The following SHISA6 variants were observed in gnomAD, a reference collection of about 807,000 sequenced individuals.
SHISA6 encodes protein shisa-6.
A neutral mutation model predicts 47.9 loss-of-function variants in SHISA6; 22 were observed. That is an observed-to-expected ratio of 0.46 (90% CI 0.33 to 0.66). SHISA6 has a LOEUF of 0.66. Among genes scored for constraint, SHISA6 ranks in the 30% least tolerant of loss-of-function variants. The pLI is 0.02. For missense variants in SHISA6, 680 were observed against 764.6 expected, an observed-to-expected ratio of 0.89 and a Z score of 1.30; for synonymous variants, 388 against 337.8, an observed-to-expected ratio of 1.15 and a Z score of -1.63.
chr17:11,439,234 C>T (rs1915032709), intron 3 of SHISA6, among the ~76,000 whole-genome samples: 1 of 152,012 alleles, frequency 6.6e-6, no homozygotes, highest in Non-Finnish European at 1.5e-5. Flanking sequence ...CATGTAACCT[C>T]GAAGAGGAAT....
rs1261943199 is a variant in SHISA6 at position 11,559,232 on chromosome 17, C to T, written c.*928C>T. 1 of 152,620 alleles carries T rather than the reference C, an allele frequency of 6.6e-6. No homozygotes were observed. The highest frequency in any genetic ancestry group is 2.4e-5 in the African/African-American group (1 of 41,476). The allele number at this position is 152,620 out of a possible 1,614,324, so 9.5% of individuals were successfully genotyped here. A position where few individuals can be genotyped will look rare whatever the true frequency, so the allele number is the denominator to read the frequency against. ...CCTCTAGACCTGACCATGACTGCCA[C>T]TCAGGCTGCCTTCTCCACCCCTGCT... is the stretch of plus-strand genomic sequence containing the variant. On this transcript the variant is annotated 3_prime_UTR_variant, in exon 6 of 6. Transcript: ENST00000441885. The surrounding 1 kb of genome is among the most constrained non-coding windows in gnomAD (Gnocchi z 4.4).
At chr17:11,401,641 T>A (rs61064487) in intron 3 of SHISA6, among the ~76,000 whole-genome samples, 7,072 of 152,286 alleles carry the variant, frequency 0.046, 500 homozygotes, top group African/African-American at 0.15. Flanking sequence ...GAGAGCAATT[T>A]AAAAATTTGG....
chr17:11,322,360 C>T (rs1234081367), intron 2 of SHISA6, among the ~76,000 whole-genome samples: 3 of 152,214 alleles, frequency 2.0e-5, no homozygotes, highest in Non-Finnish European at 4.4e-5. Flanking sequence ...GGCTCTATTT[C>T]CATTTAGTAG....
At chr17:11,358,586 C>T (rs367685943) in intron 2 of SHISA6, among the ~76,000 whole-genome samples, 2 of 151,740 alleles carry the variant, frequency 1.3e-5, no homozygotes, top group African/African-American at 4.9e-5. Context: ...GTCTCGATCT[C>T]CTGACCTCAT....
chr17:11,472,169 G>T (rs1417629266), intron 3 of SHISA6, among the ~76,000 whole-genome samples: 3 of 152,044 alleles, frequency 2.0e-5, no homozygotes, highest in Admixed American at 6.6e-5. Context: ...ATGTCATATA[G>T]TTGGAATCAT....
chr17:11,356,843 C>T (rs900116677), intron 2 of SHISA6, among the ~76,000 whole-genome samples: 1 of 152,094 alleles, frequency 6.6e-6, no homozygotes, highest in African/African-American at 2.4e-5. Context: ...CAAAGAAGGG[C>T]ATTGGCGAGG....
chr17:11,465,195 C>T (rs895879190), intron 3 of SHISA6, among the ~76,000 whole-genome samples: 3 of 152,196 alleles, frequency 2.0e-5, no homozygotes, highest in Non-Finnish European at 2.9e-5. Flanking sequence ...CTGCTCCCCT[C>T]GGTGCGCTTT....
intron 2 of SHISA6, among the ~76,000 whole-genome samples, chr17:11,326,418 TTG>T (rs1163750949): frequency 6.6e-6 from 1 of 152,212 alleles, no homozygotes; most frequent in African/African-American, 2.4e-5. Context: ...GTGCATTCAT[TTG>T]TGTGTGTTGT....
At chr17:11,497,050 T>TAC (rs1163916239) in intron 3 of SHISA6, among the ~76,000 whole-genome samples, 2 of 152,240 alleles carry the variant, frequency 1.3e-5, no homozygotes, top group Admixed American at 6.5e-5. Context: ...GACACTGAGC[T>TAC]ACACACTGTA....
At chr17:11,527,254 C>T (rs777636923) in intron 3 of SHISA6, among the ~76,000 whole-genome samples, 5 of 152,036 alleles carry the variant, frequency 3.3e-5, no homozygotes, top group Admixed American at 6.6e-5. Context: ...ACTCCTGCCC[C>T]GTGAGGAGAA....
chr17:11,507,927 C>T (rs2071513272), intron 3 of SHISA6, among the ~76,000 whole-genome samples: 1 of 152,194 alleles, frequency 6.6e-6, no homozygotes, highest in South Asian at 2.1e-4. Flanking sequence ...TGTCCCCTCC[C>T]ACACACAGGA....
chr17:11,297,780 T>C (rs1567564548), intron 2 of SHISA6, among the ~76,000 whole-genome samples: 1 of 152,306 alleles, frequency 6.6e-6, no homozygotes, highest in East Asian at 1.9e-4. Context: ...GTTTCTGTCA[T>C]GGTCAAATAG....
intron 3 of SHISA6, among the ~76,000 whole-genome samples, chr17:11,399,113 C>G (rs1913678363): frequency 5.3e-5 from 8 of 152,072 alleles, no homozygotes; most frequent in Admixed American, 5.2e-4. Context: ...CTAGGAATAA[C>G]AGTGGTAATT....
chr17:11,506,196 C>T (rs2071497944), intron 3 of SHISA6, among the ~76,000 whole-genome samples: 1 of 152,160 alleles, frequency 6.6e-6, no homozygotes, highest in South Asian at 2.1e-4. Flanking sequence ...ATTCTCTTCC[C>T]TCACCCCAAC....
intron 2 of SHISA6, among the ~76,000 whole-genome samples, chr17:11,316,424 T>C (rs1298171319): frequency 1.8e-4 from 26 of 143,490 alleles, no homozygotes; most frequent in Non-Finnish European, 2.3e-4. Context: ...TCTCTCTTTT[T>C]TTTTTTTTTT....
At chr17:11,375,025 G>A (rs969981325) in intron 2 of SHISA6, among the ~76,000 whole-genome samples, 8 of 151,990 alleles carry the variant, frequency 5.3e-5, no homozygotes, top group African/African-American at 9.7e-5. Context: ...TCTTAAAAAC[G>A]TTGCTGCACT....
At chr17:11,358,666 C>CAT in intron 2 of SHISA6, among the ~76,000 whole-genome samples, 1 of 94,594 alleles carries the variant, frequency 1.1e-5, no homozygotes, top group Admixed American at 9.9e-5. Flanking sequence ...GCCAGAATTT[C>CAT]CTTTTTTTTT....
chr17:11,369,957 C>T (rs1192512291), intron 2 of SHISA6, among the ~76,000 whole-genome samples: 1 of 152,212 alleles, frequency 6.6e-6, no homozygotes, highest in African/African-American at 2.4e-5. Flanking sequence ...ATCAAAGACA[C>T]TGACTTTAGT....
chr17:11,547,777 C>G (rs2908956), intron 3 of SHISA6, among the ~76,000 whole-genome samples: 3 of 152,022 alleles, frequency 2.0e-5, no homozygotes, highest in Admixed American at 6.5e-5. Context: ...TGAAAGAGTA[C>G]TAATATGAAT....
Sources: allele counts gnomAD v4.1 joint callset (sites outside exome capture counted in the v4.1 genomes callset), GRCh38; gene constraint gnomAD v4.1.1; non-coding constraint Gnocchi (gnomAD v3.1); transcripts MANE v1.5; gene names NCBI Gene and HGNC (gene_info 2026-07-23, HGNC 2026-07-21).